FRMPD4: variants seen among roughly 807,000 people sequenced by gnomAD.
The protein encoded by FRMPD4 is FERM and PDZ domain-containing protein 4.
A neutral mutation model predicts 94.1 loss-of-function variants in FRMPD4; 22 were observed. That is an observed-to-expected ratio of 0.23 (90% CI 0.17 to 0.33). The LOEUF (loss-of-function observed/expected upper bound fraction) is 0.33. Among genes scored for constraint, FRMPD4 ranks in the 10% least tolerant of loss-of-function variants. The pLI, the probability that FRMPD4 is intolerant of heterozygous loss-of-function variation, is 1.00. For missense variants in FRMPD4, 1,111 were observed against 1,339.9 expected, an observed-to-expected ratio of 0.83 and a Z score of 2.67; for synonymous variants, 631 against 548.6, an observed-to-expected ratio of 1.15 and a Z score of -2.10.
intron 1 of FRMPD4, among the ~76,000 whole-genome samples, chrX:12,141,601 A>G (rs902555553): frequency 4.2e-4 from 47 of 111,295 alleles, no homozygotes; most frequent in South Asian, 3.9e-4. Context: ...ATTGCTGCCA[A>G]GTGTTGGAAT....
intron 2 of FRMPD4, among the ~76,000 whole-genome samples, chrX:12,516,378 T>G (rs1254127077): frequency 8.9e-6 from 1 of 112,223 alleles, no homozygotes; most frequent in Non-Finnish European, 1.9e-5. Context: ...TCAGGAACTC[T>G]TGCAAGGCAG....
chrX:12,584,582 A>G (rs58933520), intron 2 of FRMPD4, among the ~76,000 whole-genome samples: 5,847 of 112,066 alleles, frequency 0.052, 359 homozygotes, highest in African/African-American at 0.18. Flanking sequence ...GTTCCTTTAC[A>G]ATAGAGACTT....
chrX:11,889,239 A>T (rs1284190190), intron 3 of FRMPD4, among the ~76,000 whole-genome samples: 1 of 112,252 alleles, frequency 8.9e-6, no homozygotes, highest in Non-Finnish European at 1.9e-5. Flanking sequence ...AGCCCTGAAC[A>T]AATAGGTGCT....
At chrX:12,167,930 G>A (rs1278373186) in intron 1 of FRMPD4, among the ~76,000 whole-genome samples, 1 of 111,382 alleles carries the variant, frequency 9.0e-6, no homozygotes, top group Non-Finnish European at 1.9e-5. Context: ...CAGTGAAGGA[G>A]TAGGGGTTGG....
intron 3 of FRMPD4, among the ~76,000 whole-genome samples, chrX:11,942,228 CTTTT>C (rs560019319): frequency 2.5e-5 from 2 of 79,156 alleles, no homozygotes; most frequent in Non-Finnish European, 4.9e-5. Context: ...TTTTTCTTTC[CTTTT>C]TTTTTTTTTT....
intron 1 of FRMPD4, among the ~76,000 whole-genome samples, chrX:12,389,356 T>A (rs1218827577): frequency 2.7e-5 from 3 of 109,242 alleles, no homozygotes; most frequent in African/African-American, 1.0e-4. Flanking sequence ...ATACCTGCGA[T>A]CACAGCTACT....
chrX:12,688,925 C>T (rs986156396), intron 7 of FRMPD4, among the ~76,000 whole-genome samples: 2 of 109,441 alleles, frequency 1.8e-5, no homozygotes, highest in Admixed American at 2.0e-4. Flanking sequence ...TAAGTTTTCA[C>T]TCTAAGGTTT....
intron 3 of FRMPD4, among the ~76,000 whole-genome samples, chrX:11,895,255 A>G (rs904079739): frequency 8.9e-6 from 1 of 111,767 alleles, no homozygotes; most frequent in Non-Finnish European, 1.9e-5. Flanking sequence ...GCCAGTAGCA[A>G]GTTACAACGC....
chrX:12,222,752 A>G (rs1025905864), intron 1 of FRMPD4, among the ~76,000 whole-genome samples: 4 of 112,323 alleles, frequency 3.6e-5, no homozygotes, highest in African/African-American at 1.3e-4. Context: ...AGATAAATGT[A>G]GTCCTTTCTG....
At chrX:12,498,940 TG>T (rs2057886172) in intron 2 of FRMPD4, 144 bp downstream of exon 2, 2 of 274,096 alleles carry the variant, frequency 7.3e-6, no homozygotes, top group Non-Finnish European at 1.3e-5. Flanking sequence ...TTAAGCCAGC[TG>T]CTTATATTTC....
chrX:12,616,015 G>A (rs2059233106), intron 4 of FRMPD4, among the ~76,000 whole-genome samples: 1 of 110,863 alleles, frequency 9.0e-6, no homozygotes, highest in Non-Finnish European at 1.9e-5. Flanking sequence ...AGAAAGAGAA[G>A]GCACTTAAGA....
At chrX:12,704,183 A>G (rs1192495457) in intron 10 of FRMPD4, among the ~76,000 whole-genome samples, 176 bp from the exon 11 acceptor site, 1 of 112,704 alleles carries the variant, frequency 8.9e-6, no homozygotes, top group Non-Finnish European at 1.9e-5. Flanking sequence ...ATGTGTATTA[A>G]TGATCAAGTA....
At chrX:12,555,409 T>A (rs1042962587) in intron 2 of FRMPD4, among the ~76,000 whole-genome samples, 10 of 107,966 alleles carry the variant, frequency 9.3e-5, no homozygotes, top group African/African-American at 3.3e-4. Context: ...TTTTTTGAGA[T>A]TGGATATATA....
At chrX:12,201,649 A>G (rs981888668) in intron 1 of FRMPD4, among the ~76,000 whole-genome samples, 2 of 112,104 alleles carry the variant, frequency 1.8e-5, no homozygotes, top group Non-Finnish European at 3.8e-5. Context: ...TCTTAAGATG[A>G]GTCCAGAAAA....
intron 1 of FRMPD4, among the ~76,000 whole-genome samples, chrX:12,179,908 C>A (rs1168287176): frequency 9.2e-6 from 1 of 108,828 alleles, no homozygotes; most frequent in African/African-American, 3.4e-5. Context: ...GTTTCTTTCC[C>A]AGAATTCTTT....
intron 1 of FRMPD4, among the ~76,000 whole-genome samples, chrX:12,480,332 T>TAAAAAAAAAAAA (rs2057665688): frequency 4.1e-4 from 2 of 4,851 alleles, no homozygotes; most frequent in African/African-American, 1.3e-3. Context: ...TGAAAAGAAA[T>TAAAAAAAAAAAA]GAAAAAAAAA....
At chrX:12,017,807 T>C (rs958335197) in intron 3 of FRMPD4, among the ~76,000 whole-genome samples, 1 of 111,793 alleles carries the variant, frequency 8.9e-6, no homozygotes, top group African/African-American at 3.3e-5. Flanking sequence ...AGCACCTTGA[T>C]TCTCTAGACT....
intron 3 of FRMPD4, among the ~76,000 whole-genome samples, chrX:12,106,273 T>G (rs1437666765): frequency 8.9e-6 from 1 of 112,220 alleles, no homozygotes; most frequent in Non-Finnish European, 1.9e-5. Flanking sequence ...ACAATGCCAC[T>G]TGGACATTGC....
chrX:12,484,903 A>G (rs1453209607), intron 1 of FRMPD4, among the ~76,000 whole-genome samples: 1 of 112,292 alleles, frequency 8.9e-6, no homozygotes, highest in Non-Finnish European at 1.9e-5. Context: ...TATAAGATGC[A>G]ATTGAAGTGC....
Sources: allele counts gnomAD v4.1 joint callset (sites outside exome capture counted in the v4.1 genomes callset), GRCh38; gene constraint gnomAD v4.1.1; transcripts MANE v1.5; gene names NCBI Gene and HGNC (gene_info 2026-07-23, HGNC 2026-07-21).